Variants in SDK1 observed in about 807,000 individuals in gnomAD.
SDK1 encodes protein sidekick-1.
A neutral mutation model predicts 245.5 loss-of-function variants in SDK1; 157 were observed. That is an observed-to-expected ratio of 0.64 (90% CI 0.56 to 0.73). The LOEUF is 0.73. Ranked by LOEUF, SDK1 falls within the 30% of genes least tolerant of loss-of-function variation. SDK1 has a pLI of 0.00. For missense variants in SDK1, 3,583 were observed against 3,002.3 expected (o/e 1.19, Z -4.52); for synonymous variants, 1,647 against 1,278.5 (o/e 1.29, Z -6.15).
rs35344518 is a variant in SDK1, at chr7:3,953,170, GA to G, written c.1150+1264del. 3.6e-3 allele frequency among the ~76,000 whole-genome samples: 489 copies of G among 135,420 alleles called. 3 individuals are homozygous for G. The highest frequency in any genetic ancestry group is 0.025 in the South Asian group (105 of 4,234). The allele number at this position is 135,420 out of a possible 152,430, so 88.8% of individuals were successfully genotyped here. On this transcript the variant is annotated intron_variant, in intron 7 of 44. Coordinates refer to ENST00000404826, the MANE Select transcript of SDK1 (RefSeq NM_152744.4). ...GCAGTCTGCCACTTTGCAAAATAAG[GA>G]AAAAAAAAAAAAAGCTTGTGTTTTC...
At chr7:3,378,597 C>T (rs958654423) in intron 1 of SDK1, among the ~76,000 whole-genome samples, 8 of 152,036 alleles carry the variant, frequency 5.3e-5, no homozygotes, top group African/African-American at 1.9e-4. Flanking sequence ...TCTCTGCTGT[C>T]TCTTCTGTTT....
At chr7:3,709,694 T>C (rs1403604346) in intron 4 of SDK1, among the ~76,000 whole-genome samples, 1 of 152,222 alleles carries the variant, frequency 6.6e-6, no homozygotes, top group African/African-American at 2.4e-5. Context: ...ATCCACCATA[T>C]TGAAAAAAAG....
chr7:3,862,867 C>A (rs74621435), intron 5 of SDK1, among the ~76,000 whole-genome samples: 2 of 152,148 alleles, frequency 1.3e-5, no homozygotes, highest in African/African-American at 4.8e-5. Flanking sequence ...GCATTAGATT[C>A]TCATAAGGAG....
intron 7 of SDK1, among the ~76,000 whole-genome samples, chr7:3,957,539 C>A (rs558480546): frequency 6.6e-6 from 1 of 152,076 alleles, no homozygotes; most frequent in Non-Finnish European, 1.5e-5. Flanking sequence ...ATGTTGTTGT[C>A]GAATGTATGT....
At chr7:3,763,255 T>C (rs948330958) in intron 4 of SDK1, among the ~76,000 whole-genome samples, 3 of 152,230 alleles carry the variant, frequency 2.0e-5, no homozygotes, top group African/African-American at 7.2e-5. Flanking sequence ...TTGTTTAATA[T>C]TTCAGTTTTT....
intron 29 of SDK1, among the ~76,000 whole-genome samples, chr7:4,146,759 C>T (rs181856268): frequency 1.6e-4 from 25 of 152,356 alleles, no homozygotes; most frequent in Admixed American, 1.1e-3. Context: ...CTCTGCTCCA[C>T]GCACGGAGAC....
At chr7:3,703,672 G>T (rs1201354677) in intron 4 of SDK1, among the ~76,000 whole-genome samples, 1 of 152,076 alleles carries the variant, frequency 6.6e-6, no homozygotes, top group Non-Finnish European at 1.5e-5. Flanking sequence ...GGTAAAGGGC[G>T]CCTGATTTTC....
intron 23 of SDK1, 110 bp downstream of exon 23, chr7:4,110,882 C>A (rs1354892482): frequency 2.7e-6 from 2 of 742,966 alleles, no homozygotes; most frequent in South Asian, 1.5e-5. Flanking sequence ...TCAGATGTTT[C>A]CTAGTGGCAA....
At chr7:3,601,822 C>T (rs892972198) in intron 1 of SDK1, among the ~76,000 whole-genome samples, 1 of 123,630 alleles carries the variant, frequency 8.1e-6, no homozygotes, top group African/African-American at 3.2e-5. Flanking sequence ...TGCTATCCCT[C>T]CCCCCTTCCC....
intron 4 of SDK1, among the ~76,000 whole-genome samples, chr7:3,687,172 A>G (rs528117692): frequency 9.4e-6 from 1 of 105,960 alleles, no homozygotes; most frequent in South Asian, 3.4e-4. Context: ...CTGTACACAA[A>G]TGTTCTTTTT....
chr7:3,575,929 C>T (rs1295563440), intron 1 of SDK1, among the ~76,000 whole-genome samples: 2 of 151,978 alleles, frequency 1.3e-5, no homozygotes, highest in South Asian at 2.1e-4. Flanking sequence ...AGCCTTTCAT[C>T]TCTGTTCTGT....
chr7:3,578,058 C>T (rs917965079), intron 1 of SDK1, among the ~76,000 whole-genome samples: 1 of 151,860 alleles, frequency 6.6e-6, no homozygotes, highest in African/African-American at 2.4e-5. Context: ...TTTTTGTATT[C>T]ATCTTGTATA....
intron 5 of SDK1, among the ~76,000 whole-genome samples, chr7:3,833,993 G>A (rs1779974412): frequency 6.6e-6 from 1 of 152,118 alleles, no homozygotes; most frequent in African/African-American, 2.4e-5. Context: ...TACAGATTTT[G>A]AATATCATCT....
chr7:4,174,397 T>A (rs752268114), intron 33 of SDK1, 40 bp downstream of exon 33: 1 of 1,607,380 alleles, frequency 6.2e-7, no homozygotes, highest in African/African-American at 1.3e-5. Context: ...GGAGGGAGGT[T>A]CCCAGGGGAC....
intron 1 of SDK1, among the ~76,000 whole-genome samples, chr7:3,393,373 C>T (rs566154974): frequency 6.6e-6 from 1 of 152,230 alleles, no homozygotes; most frequent in Admixed American, 6.5e-5. Flanking sequence ...ATGTTTTTCA[C>T]AGTGGCTGCA....
intron 38 of SDK1, among the ~76,000 whole-genome samples, chr7:4,211,145 C>A (rs1358380372): frequency 6.6e-6 from 1 of 152,176 alleles, no homozygotes; most frequent in Non-Finnish European, 1.5e-5. Flanking sequence ...CGGGCCCAAT[C>A]CCCCGTCTCA....
chr7:3,701,736 G>T (rs1784745179), intron 4 of SDK1, among the ~76,000 whole-genome samples: 1 of 152,040 alleles, frequency 6.6e-6, no homozygotes, highest in Admixed American at 6.6e-5. Flanking sequence ...TACAATATAG[G>T]TAATGTAATA....
rs548941260 is a variant in SDK1 at position 4,108,246 on chromosome 7, C to T, written c.3325-2417C>T. 1.8e-4 allele frequency among the ~76,000 whole-genome samples: 28 copies of T among 152,294 alleles called. 1 individual carries two copies. The South Asian group carries it at 5.4e-3, about 29-fold the overall frequency. ...TGGGCCCTGATGGGGGATAGGGAGG[C>T]CTCAGTCCTGTCTGACTCAAGAGCT... is the stretch of plus-strand genomic sequence containing the variant. On this transcript the variant is annotated intron_variant, in intron 22 of 44. Coordinates refer to ENST00000404826, the MANE Select transcript of SDK1 (RefSeq NM_152744.4).
chr7:4,237,382 G>A (rs1583148551), intron 41 of SDK1, among the ~76,000 whole-genome samples: 2 of 152,012 alleles, frequency 1.3e-5, no homozygotes, highest in South Asian at 4.2e-4. Flanking sequence ...GGGCAGCTTG[G>A]AGGACAGAGG....
Sources: gnomAD v4.1 joint callset for allele counts (sites outside exome capture counted in the v4.1 genomes callset) on GRCh38, gnomAD v4.1.1 for gene constraint, MANE v1.5 for transcripts, NCBI Gene and HGNC (gene_info 2026-07-23, HGNC 2026-07-21) for gene names.